Variants in TTI1 observed in about 807,000 individuals in gnomAD.
The protein encoded by TTI1 is TELO2 interacting protein 1, also known as TELO2-interacting protein 1 homolog.
In TTI1, 52 loss-of-function variants were observed where a neutral mutation model predicts 85.4. That is an observed-to-expected ratio of 0.61 (90% CI 0.49 to 0.77). The LOEUF is 0.77. Ranked by LOEUF, TTI1 falls within the 30% of genes least tolerant of loss-of-function variation. TTI1 has a pLI of 0.00. For synonymous variants in TTI1, 512 were observed against 503.9 expected, an observed-to-expected ratio of 1.02 and a Z score of -0.22; for missense variants, 1,173 against 1,296.0, an observed-to-expected ratio of 0.91 and a Z score of 1.46.
At chr20:38,025,148 A>C (rs1276841339) in intron 1 of TTI1, among the ~76,000 whole-genome samples, 1 of 152,236 alleles carries the variant, frequency 6.6e-6, no homozygotes, top group African/African-American at 2.4e-5. Flanking sequence ...TAGTCTAAAC[A>C]TTAGACTAAA....
intron 7 of TTI1, among the ~76,000 whole-genome samples, chr20:37,989,273 T>G (rs1377108339): frequency 6.6e-6 from 1 of 152,192 alleles, no homozygotes; most frequent in Admixed American, 6.5e-5. Context: ...AACGCCAACA[T>G]GCATACTCAC....
intron 1 of TTI1, among the ~76,000 whole-genome samples, chr20:38,018,236 C>T (rs1042348490): frequency 6.6e-6 from 1 of 151,756 alleles, no homozygotes; most frequent in African/African-American, 2.4e-5. Flanking sequence ...GAGGAAAAGA[C>T]CAAAGTAAAT....
chr20:37,987,430 T>C (rs927014042), intron 7 of TTI1: 3 of 435,854 alleles, frequency 6.9e-6, no homozygotes, highest in Non-Finnish European at 9.2e-6. Flanking sequence ...GTTCCATCTT[T>C]TTTCAAACCC....
rs752702516 is a variant in TTI1 at position 38,012,405 on chromosome 20, A to C, written c.1412T>G (p.Ile471Ser). 1.2e-6 allele frequency: 2 copies of C among 1,614,262 alleles called. No homozygotes were observed. Among genetic ancestry groups the C allele is most frequent in the South Asian group, 2.2e-5 (2 of 91,086 alleles). Residue 471 changes from isoleucine to serine, a missense_variant, in exon 2 of 8, where the codon ATC (isoleucine) becomes AGC (serine). By Grantham distance (142) the Ile-to-Ser change is moderately radical (BLOSUM62 -2). Transcript: ENST00000373447. ...KTSATQPWNR[I>S]QRRYFRFFTD... is the part of the protein sequence containing the mutation. ...GAAGAAGCGGAAATATCTCCTCTGG[A>C]TGCGGTTCCAAGGCTGTGTGGCTGA...
rs565047503 is a variant in TTI1, at chr20:37,988,230, G to A, written c.3087-4591C>T. On this transcript the variant is annotated intron_variant, in intron 7 of 7. Transcript: ENST00000373447. The stretch of plus-strand genomic sequence containing the variant: ...GGCATGGCTTCCTGAGGAGAGGCAC[G>A]GCAAGTTGCTTCTCTGTAAAGAGCG... 1.4e-4 allele frequency among the ~76,000 whole-genome samples: 22 copies of A among 152,290 alleles called. No homozygotes were observed. In the East Asian group the frequency reaches 3.7e-3, roughly 25 times the overall value.
At chr20:38,003,927 T>C (rs1489534147) in intron 3 of TTI1, among the ~76,000 whole-genome samples, 4 of 152,262 alleles carry the variant, frequency 2.6e-5, no homozygotes, top group African/African-American at 7.2e-5. Flanking sequence ...TAAGAACTTC[T>C]GATGGCCAGA....
rs547709729 is a variant in TTI1 at position 37,995,762 on chromosome 20, G to A, written c.3086+613C>T. Among the ~76,000 whole-genome samples the A allele has an allele frequency of 7.9e-5, 12 of 152,322 alleles. No homozygotes were observed. The South Asian group carries it at 2.5e-3, about 32-fold the overall frequency. The stretch of plus-strand genomic sequence containing the variant: ...ATACAGCTTTTCTCAAATAAGCATG[G>A]TCAAACTCTTAGAAATTGGAATCAT... On this transcript the variant is annotated intron_variant, in intron 7 of 7. Transcript: ENST00000373447.
chr20:38,016,864 G>T (rs775016347), intron 1 of TTI1, among the ~76,000 whole-genome samples: 137 of 152,202 alleles, frequency 9.0e-4, no homozygotes, highest in Non-Finnish European at 1.4e-3. Flanking sequence ...ATGAAGGGCA[G>T]ATACTTCTAG....
Position 37,999,175 on chromosome 20 carries a change from G to C in TTI1, c.2793+13C>G, listed in dbSNP as rs1386991683. The stretch of plus-strand genomic sequence containing the variant: ...ACCCTCACAACAGACCATGGGGGAT[G>C]CTGGTGCAGTACCTTGAAGGCTCTA... On this transcript the variant is annotated intron_variant, in intron 5 of 7. Transcript: ENST00000373447. 1 of 1,398,718 alleles carries C rather than the reference G, an allele frequency of 7.1e-7. No homozygotes were observed. The highest frequency in any genetic ancestry group is 2.8e-5 in the Admixed American group (1 of 35,456). 86.6% of individuals were successfully genotyped at this position (1,398,718 alleles called of 1,614,324 possible).
intron 3 of TTI1, 188 bp downstream of exon 3, chr20:38,006,009 C>A: frequency 1.4e-6 from 1 of 690,736 alleles, no homozygotes; most frequent in East Asian, 3.0e-5. Context: ...GCTGCAACCA[C>A]GGAAAAACAG....
intron 7 of TTI1, among the ~76,000 whole-genome samples, chr20:37,992,561 G>A (rs2073280169): frequency 6.6e-6 from 1 of 152,194 alleles, no homozygotes; most frequent in Non-Finnish European, 1.5e-5. Flanking sequence ...ACAAGCGTGA[G>A]CCACAGCACA....
In TTI1 at chr20:37,995,191, T is replaced by C. The variant is rs138407442; in HGVS notation, c.3086+1184A>G. On this transcript the variant is annotated intron_variant, in intron 7 of 7. Coordinates refer to ENST00000373447, the MANE Select transcript of TTI1 (RefSeq NM_001303457.2). ...TGCTTAGGATGCGCCCCTGTGCTCA[T>C]GAAACTATGACTGATTCTGGGACTA... 8.0e-3 allele frequency among the ~76,000 whole-genome samples: 1,213 copies of C among 152,214 alleles called. 5 individuals are homozygous for C. Among genetic ancestry groups the C allele is most frequent in the African/African-American group, 0.023 (947 of 41,504 alleles).
chr20:38,009,514 A>AT (rs113820905), intron 2 of TTI1, among the ~76,000 whole-genome samples: 6,116 of 148,172 alleles, frequency 0.041, 307 homozygotes, highest in African/African-American at 0.12. Flanking sequence ...TTATTTATTT[A>AT]TTTTTTTTTT....
chr20:37,996,652 G>A (rs2073344252), intron 6 of TTI1, 97 bp downstream of exon 6: 4 of 1,431,858 alleles, frequency 2.8e-6, no homozygotes, highest in Non-Finnish European at 3.8e-6. Flanking sequence ...GGTACACAGA[G>A]GGGAGGGGAG....
intron 7 of TTI1, among the ~76,000 whole-genome samples, chr20:37,986,400 GCCCTGC>G (rs2073190800): frequency 2.0e-5 from 3 of 152,148 alleles, no homozygotes; most frequent in Non-Finnish European, 4.4e-5. Context: ...CACTCTTTTT[GCCCTGC>G]AAGATATCCA....
chr20:38,012,101 C>A lies in TTI1; in HGVS notation c.1716G>T (p.Leu572Phe). 2 of 1,614,156 alleles carry A rather than the reference C, an allele frequency of 1.2e-6. No homozygotes were observed. The highest frequency in any genetic ancestry group is 1.7e-6 in the Non-Finnish European group (2 of 1,180,034). ...TTTCCTCAGTTTCAAGACAGGTAAC[C>A]AAATACCAATTTTCTTGACTTGTGT... Reference protein sequence around the residue: ...EEYTSQENWYLVTCLETEEMG... With the variant: ...EEYTSQENWYFVTCLETEEMG... Residue 572 changes from leucine (L) to phenylalanine (F), a missense_variant, in exon 2 of 8, where the codon TTG becomes TTT. Transcript: ENST00000373447.
Position 38,012,965 on chromosome 20 carries a change from G to T in TTI1, c.852C>A (p.Gly284=), listed in dbSNP as rs34977887. The part of the protein sequence containing the change: ...YREADWVKKT[G]DKLTILIKKI... ...TTTTAATAAGGATAGTCAACTTGTC[G>T]CCAGTCTTTTTTACCCAATCTGCTT... The change falls in exon 2 of 8, where the codon GGC becomes GGA. Residue 284 remains glycine (G), a synonymous_variant. Coordinates refer to ENST00000373447, the MANE Select transcript of TTI1 (RefSeq NM_001303457.2). 1.9e-6 allele frequency: 3 copies of T among 1,613,840 alleles called. No individual in the cohort carries two copies. The African/African-American group carries it at 4.0e-5, about 22-fold the overall frequency.
intron 7 of TTI1, among the ~76,000 whole-genome samples, chr20:37,986,390 C>T (rs2073190517): frequency 6.6e-6 from 1 of 152,174 alleles, no homozygotes; most frequent in Non-Finnish European, 1.5e-5. Context: ...GAAAATAAGC[C>T]ACTCTTTTTG....
chr20:38,013,045 C>A lies in TTI1; in HGVS notation c.772G>T (p.Val258Phe). 1.2e-6 allele frequency: 2 copies of A among 1,614,112 alleles called. No homozygotes were observed. Among genetic ancestry groups the A allele is most frequent in the Non-Finnish European group, 8.5e-7 (1 of 1,180,030 alleles). ...ADEQLKRISK[V>F]QAKPAVEHRV... is the part of the protein sequence containing the mutation. ...TGCTCAACTGCAGGTTTTGCTTGGA[C>A]CTTTGAGATTCTTTTGAGCTGTTCA... Residue 258 changes from valine (V) to phenylalanine (F), a missense_variant, in exon 2 of 8, where the codon GTC becomes TTC. Val to Phe is a conservative substitution (Grantham distance 50). Transcript: ENST00000373447.
Sources: allele counts gnomAD v4.1 joint callset (sites outside exome capture counted in the v4.1 genomes callset), GRCh38; gene constraint gnomAD v4.1.1; transcripts MANE v1.5; gene names NCBI Gene and HGNC (gene_info 2026-07-23, HGNC 2026-07-21).